Variants in DLGAP1 observed in about 807,000 individuals in gnomAD.
DLGAP1 encodes the protein DLG associated protein 1.
DLGAP1 carries 11 observed loss-of-function variants against 90.8 expected under a neutral mutation model. That is an observed-to-expected ratio of 0.12 (90% CI 0.08 to 0.20). The LOEUF is 0.20. Ranked by LOEUF, DLGAP1 falls within the 10% of genes least tolerant of loss-of-function variation. The probability of loss-of-function intolerance (pLI) is 1.00; values close to 1 mark genes in which losing one functional copy is unlikely to be tolerated. For synonymous variants in DLGAP1, 558 were observed against 540.7 expected, an observed-to-expected ratio of 1.03 and a Z score of -0.44; for missense variants, 1,050 against 1,333.8, an observed-to-expected ratio of 0.79 and a Z score of 3.31.
At chr18:3,923,178 CAG>C (rs2072306241) in intron 3 of DLGAP1, among the ~76,000 whole-genome samples, 1 of 139,550 alleles carries the variant, frequency 7.2e-6, no homozygotes, top group African/African-American at 2.6e-5. Context: ...CTCCCACTAA[CAG>C]TGTTCATACT....
chr18:4,077,785 G>A (rs2075545711), intron 2 of DLGAP1, among the ~76,000 whole-genome samples: 1 of 152,158 alleles, frequency 6.6e-6, no homozygotes, highest in Non-Finnish European at 1.5e-5. Flanking sequence ...AGCAACACCA[G>A]ATGGATTAAG....
chr18:3,659,492 G>C (rs115477503), intron 7 of DLGAP1, among the ~76,000 whole-genome samples: 1,461 of 140,072 alleles, frequency 0.01, 28 homozygotes, highest in African/African-American at 0.038. Context: ...GTCTGCAGAA[G>C]TGTTTGAAAA....
intron 9 of DLGAP1, among the ~76,000 whole-genome samples, chr18:3,537,966 C>T (rs1005550877): frequency 2.6e-5 from 4 of 152,296 alleles, no homozygotes; most frequent in Admixed American, 2.6e-4. Flanking sequence ...ATTTATACAA[C>T]ACTAAATACA....
intron 2 of DLGAP1, among the ~76,000 whole-genome samples, chr18:4,043,729 C>T (rs765213333): frequency 1.6e-4 from 24 of 151,994 alleles, no homozygotes; most frequent in Non-Finnish European, 3.2e-4. Flanking sequence ...TCTGTGTTTC[C>T]CTTTGTGTGT....
At chr18:3,859,865 C>T (rs961744967) in intron 4 of DLGAP1, among the ~76,000 whole-genome samples, 9 of 151,962 alleles carry the variant, frequency 5.9e-5, no homozygotes, top group Admixed American at 1.3e-4. Context: ...CTTTGGGAGG[C>T]CGAGGTGGGC....
intron 3 of DLGAP1, among the ~76,000 whole-genome samples, chr18:3,920,798 T>A (rs1417488104): frequency 6.6e-6 from 1 of 152,236 alleles, no homozygotes. Flanking sequence ...TCTTGTTAAT[T>A]GCTTCCCATT....
chr18:3,740,604 G>C (rs773184146), intron 6 of DLGAP1, among the ~76,000 whole-genome samples: 4 of 151,864 alleles, frequency 2.6e-5, no homozygotes, highest in South Asian at 2.1e-4. Context: ...CCTATTTCAG[G>C]GTCTTATTTT....
intron 7 of DLGAP1, among the ~76,000 whole-genome samples, chr18:3,664,739 AG>A (rs939549901): frequency 6.6e-6 from 1 of 152,234 alleles, no homozygotes; most frequent in Admixed American, 6.5e-5. Context: ...ATGAGAACAA[AG>A]GGTAAGACTG....
At chr18:4,450,866 A>G (rs1023837990) in intron 1 of DLGAP1, among the ~76,000 whole-genome samples, 3 of 152,176 alleles carry the variant, frequency 2.0e-5, no homozygotes, top group Non-Finnish European at 4.4e-5. Flanking sequence ...TATTCAGAAC[A>G]CTGATATCTA....
chr18:4,022,321 C>T (rs2074625032), intron 2 of DLGAP1, among the ~76,000 whole-genome samples: 1 of 150,518 alleles, frequency 6.6e-6, no homozygotes. Context: ...TCTAATCTCA[C>T]AGCCCCCTCC....
Position 3,898,908 on chromosome 18 carries a change from T to TTAAAG in DLGAP1, c.-72-18773_-72-18769dup, listed in dbSNP as rs113841351. ...ATCATCTACACTTTAGATAGGCCAT[T>TTAAAG]TAAAGTAAAGTAAAGTAAAGTAAAG... On this transcript the variant is annotated intron_variant, in intron 3 of 12. Coordinates refer to ENST00000315677, the MANE Select transcript of DLGAP1 (RefSeq NM_004746.4). Among the ~76,000 whole-genome samples, 593 of 152,062 alleles carry TTAAAG rather than the reference T, an allele frequency of 3.9e-3. 1 individual carries two copies. Among genetic ancestry groups the TTAAAG allele is most frequent in the Non-Finnish European group, 5.4e-3 (370 of 67,998 alleles).
At chr18:3,592,856 AAAAAAAAAAAAGAAAAAGAAAG>A (rs2056334911) in intron 7 of DLGAP1, among the ~76,000 whole-genome samples, 1 of 133,494 alleles carries the variant, frequency 7.5e-6, no homozygotes, top group African/African-American at 2.9e-5. Flanking sequence ...AAAAAAAAAA[AAAAAAAAAAAAGAAAAAGAAAG>A]AAAGAAAAAG....
chr18:4,422,913 C>T (rs866923103), intron 1 of DLGAP1, among the ~76,000 whole-genome samples: 8 of 152,128 alleles, frequency 5.3e-5, no homozygotes, highest in Non-Finnish European at 1.0e-4. Flanking sequence ...CATCCACAAA[C>T]GTAAATTATA....
At chr18:4,329,128 T>C (rs2080891112) in intron 1 of DLGAP1, among the ~76,000 whole-genome samples, 2 of 152,000 alleles carry the variant, frequency 1.3e-5, no homozygotes, top group South Asian at 4.1e-4. Context: ...TCTTCTACAT[T>C]TTATAGTTCA....
rs115285511 is a variant in DLGAP1, at chr18:4,308,055, C to A, written c.-267+146951G>T. Among the ~76,000 whole-genome samples, 511 of 152,196 alleles carry A rather than the reference C, an allele frequency of 3.4e-3. 2 individuals are homozygous for A. The highest frequency in any genetic ancestry group is 0.01 in the African/African-American group (428 of 41,528). ...ACCTGTCCCTGTACTACACTTCACA[C>A]CTGTCATCCCATCTGAATGTTACCA... On this transcript the variant is annotated intron_variant, in intron 1 of 12. Transcript: ENST00000315677.
chr18:4,097,830 G>A (rs144656568), intron 2 of DLGAP1, among the ~76,000 whole-genome samples: 5 of 152,146 alleles, frequency 3.3e-5, no homozygotes, highest in African/African-American at 1.2e-4. Flanking sequence ...AAATATAGTG[G>A]GATATTTTTC....
intron 2 of DLGAP1, among the ~76,000 whole-genome samples, chr18:4,062,808 CT>C (rs1215628290): frequency 1.3e-5 from 2 of 151,838 alleles, no homozygotes; most frequent in Non-Finnish European, 2.9e-5. Flanking sequence ...TTTTAACTTT[CT>C]TTTTTTTCCC....
intron 2 of DLGAP1, among the ~76,000 whole-genome samples, chr18:4,124,416 GT>G (rs2076200951): frequency 6.6e-6 from 1 of 152,222 alleles, no homozygotes; most frequent in African/African-American, 2.4e-5. Flanking sequence ...AGCTTAGAAT[GT>G]TGAATTTTGG....
At chr18:3,875,402 C>T (rs1555699193) in intron 4 of DLGAP1, among the ~76,000 whole-genome samples, 1 of 152,230 alleles carries the variant, frequency 6.6e-6, no homozygotes, top group East Asian at 1.9e-4. Flanking sequence ...TAATACTCTA[C>T]AAAGTTGTTT....
Sources: gnomAD v4.1 joint callset for allele counts (sites outside exome capture counted in the v4.1 genomes callset) on GRCh38, gnomAD v4.1.1 for gene constraint, MANE v1.5 for transcripts, NCBI Gene and HGNC (gene_info 2026-07-23, HGNC 2026-07-21) for gene names.